The following ADAMTS9 variants were observed in gnomAD, a reference collection of about 807,000 sequenced individuals.
ADAMTS9 encodes the protein ADAM metallopeptidase with thrombospondin type 1 motif 9, also known as A disintegrin and metalloproteinase with thrombospondin motifs 9.
A neutral mutation model predicts 257.1 loss-of-function variants in ADAMTS9; 107 were observed. That is an observed-to-expected ratio of 0.42 (90% CI 0.36 to 0.49). The LOEUF (loss-of-function observed/expected upper bound fraction) is 0.49. ADAMTS9 is among the 20% of genes least tolerant of loss of function. The probability of loss-of-function intolerance (pLI) is 0.03; values close to 1 mark genes in which losing one functional copy is unlikely to be tolerated. For missense variants in ADAMTS9, 2,353 were observed against 2,469.1 expected (o/e 0.95, Z 1.00); for synonymous variants, 982 against 880.9 (o/e 1.11, Z -2.03).
intron 23 of ADAMTS9, among the ~76,000 whole-genome samples, chr3:64,604,721 T>C (rs1350159647): frequency 6.6e-6 from 1 of 152,200 alleles, no homozygotes; most frequent in East Asian, 1.9e-4. Flanking sequence ...ACATTTCAAT[T>C]AATTTCTTAA....
chr3:64,536,498 T>C (rs776690305), intron 37 of ADAMTS9, among the ~76,000 whole-genome samples: 7 of 152,200 alleles, frequency 4.6e-5, no homozygotes, highest in Non-Finnish European at 8.8e-5. Flanking sequence ...CTGTTTTCTG[T>C]TGTACAGGAG....
chr3:64,554,205 A>G (rs2083303276), intron 30 of ADAMTS9, among the ~76,000 whole-genome samples: 1 of 152,226 alleles, frequency 6.6e-6, no homozygotes, highest in Admixed American at 6.5e-5. Flanking sequence ...ATGCTTGTTA[A>G]GCGTTTCTCT....
chr3:64,682,496 A>T (rs1221630706), intron 2 of ADAMTS9, among the ~76,000 whole-genome samples: 6 of 152,206 alleles, frequency 3.9e-5, no homozygotes, highest in Non-Finnish European at 7.4e-5. Context: ...CACCCAAACT[A>T]AAAATTACAA....
chr3:64,666,138 T>C (rs1025459060), intron 3 of ADAMTS9, among the ~76,000 whole-genome samples: 5 of 152,186 alleles, frequency 3.3e-5, no homozygotes, highest in African/African-American at 9.7e-5. Context: ...GCTGATTTAT[T>C]GGTAAAAATG....
rs142362131 is a variant in ADAMTS9 at position 64,656,925 on chromosome 3, A to G, written c.970-1050T>C. On this transcript the variant is annotated intron_variant, in intron 4 of 39. Transcript: ENST00000498707. Reference sequence around the variant, plus strand: ...CATTCATCTGGGGGATTTATTAAAAATAAGTTTCAGTTCAGGTAAATCAGG... The same window carrying G: ...CATTCATCTGGGGGATTTATTAAAAGTAAGTTTCAGTTCAGGTAAATCAGG... 2.6e-3 allele frequency among the ~76,000 whole-genome samples: 378 copies of G among 146,250 alleles called. 5 individuals are homozygous for G. In the East Asian group the frequency reaches 0.048, roughly 18 times the overall value.
Position 64,530,246 on chromosome 3 carries a change from A to G in ADAMTS9, c.5718+2920T>C, listed in dbSNP as rs2082960489. Among the ~76,000 whole-genome samples the G allele has an allele frequency of 3.9e-5, 6 of 152,134 alleles. No homozygotes were observed. In the South Asian group the frequency reaches 1.2e-3, roughly 32 times the overall value. On this transcript the variant is annotated intron_variant, in intron 38 of 39. Coordinates refer to ENST00000498707, the MANE Select transcript of ADAMTS9 (RefSeq NM_182920.2). Reference sequence around the variant, plus strand: ...TTTATTTCCTGTATAATTTAGTCCCACCTCACATGCTAATGCTTACTGTGA... The same window carrying G: ...TTTATTTCCTGTATAATTTAGTCCCGCCTCACATGCTAATGCTTACTGTGA...
At chr3:64,544,514 A>G (rs1390919868) in intron 32 of ADAMTS9, among the ~76,000 whole-genome samples, 2 of 152,218 alleles carry the variant, frequency 1.3e-5, no homozygotes, top group Admixed American at 1.3e-4. Context: ...GAAATGGGGA[A>G]AGGATTCCCT....
chr3:64,670,690 T>C (rs1461562142), intron 3 of ADAMTS9, among the ~76,000 whole-genome samples: 1 of 152,124 alleles, frequency 6.6e-6, no homozygotes, highest in East Asian at 1.9e-4. Context: ...TATTCTAAGT[T>C]TTAAAAAATG....
chr3:64,638,085 G>C (rs1172261090), intron 12 of ADAMTS9, among the ~76,000 whole-genome samples: 1 of 152,112 alleles, frequency 6.6e-6, no homozygotes, highest in Non-Finnish European at 1.5e-5. Flanking sequence ...GAGCCTAAGG[G>C]GGAAATATCT....
intron 26 of ADAMTS9, among the ~76,000 whole-genome samples, chr3:64,598,451 G>A (rs1353929892): frequency 6.6e-6 from 1 of 151,664 alleles, no homozygotes; most frequent in Non-Finnish European, 1.5e-5. Context: ...TGCATAGCTG[G>A]AGACCGTTGG....
At chr3:64,560,245 G>A (rs560718151) in intron 30 of ADAMTS9, among the ~76,000 whole-genome samples, 1 of 152,290 alleles carries the variant, frequency 6.6e-6, no homozygotes, top group Admixed American at 6.5e-5. Context: ...AATAACTGGT[G>A]TGGCTCAAGA....
Position 64,531,838 on chromosome 3 carries a change from C to T in ADAMTS9, c.5718+1328G>A, listed in dbSNP as rs368237605. ...CCCCTATTTCTGAGGCAACCCCAGG[C>T]AGGGCTCCTGGCTGAGATGGGACGG... is the stretch of plus-strand genomic sequence containing the variant. On this transcript the variant is annotated intron_variant, in intron 38 of 39. Coordinates refer to ENST00000498707, the MANE Select transcript of ADAMTS9 (RefSeq NM_182920.2). 5.4e-4 allele frequency among the ~76,000 whole-genome samples: 82 copies of T among 152,336 alleles called. 3 individuals carry two copies. The South Asian group carries it at 0.017, about 31-fold the overall frequency.
intron 36 of ADAMTS9, among the ~76,000 whole-genome samples, chr3:64,540,841 G>A (rs2083111645): frequency 6.6e-6 from 1 of 151,914 alleles, no homozygotes; most frequent in African/African-American, 2.4e-5. Context: ...ATCACAAATC[G>A]GAGAGAGCAC....
chr3:64,656,579 A>C (rs1432791365), intron 4 of ADAMTS9, among the ~76,000 whole-genome samples: 1 of 152,190 alleles, frequency 6.6e-6, no homozygotes, highest in Non-Finnish European at 1.5e-5. Flanking sequence ...AAGAGCCAGA[A>C]CTCTCAACCT....
At chr3:64,616,363 A>G (rs1248422820) in intron 19 of ADAMTS9, among the ~76,000 whole-genome samples, 193 bp from the exon 20 acceptor site, 1 of 152,194 alleles carries the variant, frequency 6.6e-6, no homozygotes, top group Admixed American at 6.5e-5. Context: ...ATGGCTGCCA[A>G]TGTACATAGA....
chr3:64,611,117 C>T (rs2084658954), intron 22 of ADAMTS9, among the ~76,000 whole-genome samples: 2 of 146,498 alleles, frequency 1.4e-5, no homozygotes, highest in South Asian at 2.2e-4. Context: ...CTCAGAATTA[C>T]GGTATGATTC....
intron 31 of ADAMTS9, among the ~76,000 whole-genome samples, chr3:64,548,803 A>C (rs1051085216): frequency 6.6e-6 from 1 of 152,252 alleles, no homozygotes; most frequent in Non-Finnish European, 1.5e-5. Flanking sequence ...TAGACTCTGC[A>C]TGCCTTGGTG....
At position 64,621,234 on chromosome 3, in the gene ADAMTS9, C is replaced by T. The variant is rs1291818546; in HGVS notation, c.2693G>A (p.Arg898Gln). ...QACSKPCQGE[R>Q]KRKLVCTRES... ...CCTGGTGCAAACAAGTTTTCGTTTC[C>T]GTTCCCCTAAGCAGAAAGGGAAAAA... The change falls in exon 19 of 40, where the codon CGG (arginine) becomes CAG (glutamine). Residue 898 changes from arginine (R) to glutamine (Q), a missense_variant. Around this residue, in one of 3 missense-constraint regions of ADAMTS9, gnomAD observed 1,402 missense variants for 1,441.4 expected, o/e 0.97. Transcript: ENST00000498707. 5.0e-6 allele frequency: 8 copies of T among 1,612,324 alleles called. No individual in the cohort carries two copies. Among genetic ancestry groups the T allele is most frequent in the African/African-American group, 1.3e-5 (1 of 74,416 alleles).
At position 64,592,204 on chromosome 3, in the gene ADAMTS9, C is replaced by T. The variant is rs567878856; in HGVS notation, c.4356+2054G>A. Among the ~76,000 whole-genome samples, 5 of 152,228 alleles carry T rather than the reference C, an allele frequency of 3.3e-5. No individual in the cohort carries two copies. In the South Asian group the frequency reaches 1.0e-3, roughly 32 times the overall value. ...CAATTAAAAGCCTTGCAGAAGTGGC[C>T]TTGCTCTTAGACTGTAGAGGCTTCG... On this transcript the variant is annotated intron_variant, in intron 28 of 39. Coordinates refer to ENST00000498707, the MANE Select transcript of ADAMTS9 (RefSeq NM_182920.2).
Sources: allele counts gnomAD v4.1 joint callset (sites outside exome capture counted in the v4.1 genomes callset), GRCh38; gene constraint gnomAD v4.1.1; regional missense constraint gnomAD v4.1.1; transcripts MANE v1.5; gene names NCBI Gene and HGNC (gene_info 2026-07-23, HGNC 2026-07-21).